Variants in MVD observed in about 807,000 individuals in gnomAD.
MVD encodes diphosphomevalonate decarboxylase.
A neutral mutation model predicts 42.4 loss-of-function variants in MVD; 52 were observed. That is an observed-to-expected ratio of 1.23 (90% CI 0.98 to 1.55). The LOEUF is 1.55. MVD is among the 40% of genes most tolerant of loss of function. The pLI is 0.00. For synonymous variants in MVD, 287 were observed against 243.2 expected (o/e 1.18, Z -1.68); for missense variants, 663 against 572.1 (o/e 1.16, Z -1.62).
intron 3 of MVD, 84 bp downstream of exon 3, chr16:88,657,831 G>GGGGCAC (rs913855067): frequency 7.0e-7 from 1 of 1,428,442 alleles, no homozygotes; most frequent in African/African-American, 1.4e-5. Flanking sequence ...TGCCTCAGGA[G>GGGGCAC]GGGCACAGAG....
intron 8 of MVD, among the ~76,000 whole-genome samples, chr16:88,654,064 G>T (rs951615880): frequency 6.6e-6 from 1 of 152,114 alleles, no homozygotes; most frequent in Admixed American, 6.5e-5. Flanking sequence ...GCCCCGGGGC[G>T]TAAGGAGGCT....
chr16:88,652,609 G>C lies in MVD; in HGVS notation c.1123-4C>G, dbSNP rs1387614709. 1 of 1,554,590 alleles carries C rather than the reference G, an allele frequency of 6.4e-7. No homozygotes were observed. The highest frequency in any genetic ancestry group is 1.2e-5 in the South Asian group (1 of 84,328). On this transcript the variant is annotated splice_region_variant and splice_polypyrimidine_tract_variant and intron_variant, in intron 9 of 9. Coordinates refer to ENST00000301012, the MANE Select transcript of MVD (RefSeq NM_002461.3). ...GGATTTGAGGCCCTGGCCCCACCTG[G>C]GGATAGAAATCCATGTCAGGTCACC...
rs1034181733 is a variant in MVD, at chr16:88,656,117, C to T, written c.591G>A (p.Val197=). Residue 197 remains valine, a synonymous_variant, in exon 5 of 10, where the codon GTG becomes GTA. Coordinates refer to ENST00000301012, the MANE Select transcript of MVD (RefSeq NM_002461.3). ...CCACCCCACTCACCACAAGGATGAG[C>T]ACGCGGAGTTCAGGCCAGTGTGACT... ...APESHWPELR[V]LILVVSAEKK... The T allele has an allele frequency of 1.2e-5, 19 of 1,600,630 alleles. No homozygotes were observed. Among genetic ancestry groups the T allele is most frequent in the Non-Finnish European group, 1.6e-5 (19 of 1,179,570 alleles).
intron 8 of MVD, among the ~76,000 whole-genome samples, chr16:88,654,158 G>A (rs1019661461): frequency 6.6e-6 from 1 of 151,664 alleles, no homozygotes; most frequent in Non-Finnish European, 1.5e-5. Flanking sequence ...GGCGGTTCAG[G>A]GCCAAGCTGT....
intron 8 of MVD, 81 bp downstream of exon 8, chr16:88,654,611 C>T: frequency 4.3e-6 from 6 of 1,398,286 alleles, no homozygotes; most frequent in Non-Finnish European, 5.8e-6. Context: ...AGCGCCACAG[C>T]CTTCAGGTGC....
chr16:88,653,998 C>T (rs978008853), intron 8 of MVD, among the ~76,000 whole-genome samples: 14 of 152,008 alleles, frequency 9.2e-5, no homozygotes, highest in Admixed American at 3.3e-4. Context: ...AAATGGGAGG[C>T]GCCTCTCACA....
At chr16:88,659,040 T>G (rs1051185540) in intron 1 of MVD, 2 of 358,588 alleles carry the variant, frequency 5.6e-6, no homozygotes. Context: ...CCCCTCCACC[T>G]TCCCAAACAA....
chr16:88,652,472 G>T lies in MVD; in HGVS notation c.*53C>A. ...GCCAGCCCACCACATCCGCTCCCTA[G>T]CTCCGGCGAGGCCACCCCTTCTCCA... On this transcript the variant is annotated 3_prime_UTR_variant, in exon 10 of 10. Coordinates refer to ENST00000301012, the MANE Select transcript of MVD (RefSeq NM_002461.3). 6.5e-7 allele frequency: 1 copy of T among 1,537,564 alleles called. No homozygotes were observed. Among genetic ancestry groups the T allele is most frequent in the Admixed American group, 2.0e-5 (1 of 50,998 alleles).
intron 1 of MVD, 47 bp downstream of exon 1, chr16:88,662,964 G>T: frequency 6.4e-7 from 1 of 1,570,088 alleles, no homozygotes; most frequent in Non-Finnish European, 8.6e-7. Context: ...CGCGTACCCG[G>T]CCTCGCTCCC....
At chr16:88,658,053 C>G (rs991990396) in intron 2 of MVD, 24 bp from the exon 3 acceptor site, 1 of 1,607,856 alleles carries the variant, frequency 6.2e-7, no homozygotes, top group African/African-American at 1.3e-5. Context: ...CCAGGGCCAC[C>G]TCAGAGGCCA....
At position 88,656,107 on chromosome 16, in the gene MVD, C is replaced by G. The variant is rs772898556; in HGVS notation, c.601G>C (p.Val201Leu). 3 of 1,598,764 alleles carry G rather than the reference C, an allele frequency of 1.9e-6. No individual in the cohort carries two copies. The South Asian group carries it at 3.3e-5, about 18-fold the overall frequency. ...TCCACCCGCCCCACCCCACTCACCA[C>G]AAGGATGAGCACGCGGAGTTCAGGC... ...HWPELRVLIL[V>L]VSAEKKLTGS... The change falls in exon 5 of 10, where the codon GTG becomes CTG. Residue 201 changes from valine to leucine, a missense_variant and splice_region_variant. Val to Leu is a conservative substitution (Grantham distance 32, BLOSUM62 1). Coordinates refer to ENST00000301012, the MANE Select transcript of MVD (RefSeq NM_002461.3).
intron 4 of MVD, chr16:88,657,116 A>AT (rs1907976508): frequency 2.1e-6 from 1 of 468,718 alleles, no homozygotes; most frequent in East Asian, 4.7e-5. Flanking sequence ...AGATTTTTTT[A>AT]TTTTTTGTAG....
intron 9 of MVD, among the ~76,000 whole-genome samples, 173 bp downstream of exon 9, chr16:88,653,127 G>A (rs569937885): frequency 6.6e-6 from 1 of 152,190 alleles, no homozygotes; most frequent in East Asian, 1.9e-4. Context: ...CATCACCAGT[G>A]GCCTGTAATG....
In MVD at chr16:88,654,945, G is replaced by A; in HGVS notation, c.898-138C>T. 4.3e-6 allele frequency: 4 copies of A among 927,632 alleles called. No homozygotes were observed. In the South Asian group the frequency reaches 5.3e-5, roughly 12 times the overall value. 57.5% of individuals were successfully genotyped at this position (927,632 alleles called of 1,614,324 possible). On this transcript the variant is annotated intron_variant, in intron 7 of 9. Transcript: ENST00000301012. ...CAGGGCCACACTGGAGTGGAGCTGTGACCCCAAGTGCCTGGTACTTGACAC... is the reference window on the plus strand; with the variant it reads ...CAGGGCCACACTGGAGTGGAGCTGTAACCCCAAGTGCCTGGTACTTGACAC...
chr16:88,656,141 C>T lies in MVD; in HGVS notation c.567G>A (p.Glu189=). The T allele has an allele frequency of 1.2e-6, 2 of 1,602,072 alleles. No individual in the cohort carries two copies. The highest frequency in any genetic ancestry group is 1.1e-5 in the South Asian group (1 of 91,076). Residue 189 remains glutamate, a synonymous_variant, in exon 5 of 10, where the codon GAG becomes GAA. Coordinates refer to ENST00000301012, the MANE Select transcript of MVD (RefSeq NM_002461.3). ...GCACGCGGAGTTCAGGCCAGTGTGA[C>T]TCGGGGGCCACTTGCCGAGCGATGC... is the stretch of plus-strand genomic sequence containing the variant. The part of the protein sequence containing the change: ...KDSIARQVAP[E]SHWPELRVLI...
At chr16:88,654,294 G>C (rs999506572) in intron 8 of MVD, among the ~76,000 whole-genome samples, 3 of 152,204 alleles carry the variant, frequency 2.0e-5, no homozygotes, top group Non-Finnish European at 4.4e-5. Context: ...GCTCTAACTC[G>C]CTTCAGTAAG....
At chr16:88,660,177 G>C (rs1203433245) in intron 1 of MVD, among the ~76,000 whole-genome samples, 1 of 152,082 alleles carries the variant, frequency 6.6e-6, no homozygotes, top group Non-Finnish European at 1.5e-5. Context: ...GAATTCCTGA[G>C]GGCCTGGTGG....
intron 2 of MVD, 63 bp downstream of exon 2, chr16:88,658,587 C>T (rs1908088215): frequency 1.3e-6 from 2 of 1,532,134 alleles, no homozygotes; most frequent in African/African-American, 1.4e-5. Flanking sequence ...CCAACGGGTA[C>T]CAACTGTTCT....
chr16:88,661,799 G>A (rs947655913), intron 1 of MVD, among the ~76,000 whole-genome samples: 4 of 149,102 alleles, frequency 2.7e-5, no homozygotes, highest in Non-Finnish European at 5.9e-5. Flanking sequence ...CCGTAGGGAT[G>A]CAAAATGGCC....
Sources: gnomAD v4.1 joint callset for allele counts (sites outside exome capture counted in the v4.1 genomes callset) on GRCh38, gnomAD v4.1.1 for gene constraint, MANE v1.5 for transcripts, NCBI Gene and HGNC (gene_info 2026-07-23, HGNC 2026-07-21) for gene names.